C20orf203: variants seen among roughly 807,000 people sequenced by gnomAD.
C20orf203 encodes the protein chromosome 20 open reading frame 203.
C20orf203 carries 16 observed loss-of-function variants against 15.9 expected under a neutral mutation model. That is an observed-to-expected ratio of 1.01 (90% confidence interval 0.68 to 1.53). C20orf203 has a LOEUF of 1.53. Ranked by LOEUF, C20orf203 falls within the 40% of genes most tolerant of loss-of-function variation. C20orf203 has a pLI of 0.00. For missense variants in C20orf203, 263 were observed against 247.5 expected, an observed-to-expected ratio of 1.06 and a Z score of -0.42; for synonymous variants, 98 against 97.2, an observed-to-expected ratio of 1.01 and a Z score of -0.05.
chr20:32,643,352 T>C (rs1600927910), intron 4 of C20orf203, among the ~76,000 whole-genome samples: 1 of 152,138 alleles, frequency 6.6e-6, no homozygotes, highest in African/African-American at 2.4e-5. Flanking sequence ...AATGGGTTAA[T>C]AGAGGTAAAA....
At position 32,632,012 on chromosome 20, in the gene C20orf203, G is replaced by A. The variant is rs774501872; in HGVS notation, c.*3558C>T. 4 of 152,286 alleles carry A rather than the reference G, an allele frequency of 2.6e-5. No individual in the cohort carries two copies. Among genetic ancestry groups the A allele is most frequent in the Admixed American group, 1.3e-4 (2 of 15,280 alleles). The allele number at this position is 152,286 out of a possible 1,614,324, so 9.4% of individuals were successfully genotyped here. Reference sequence around the variant, plus strand: ...CACCTCTGCCACCTCTGCTCCTTGAGGCAGGGCAGGACTTCAGAATTGGCC... The same window carrying A: ...CACCTCTGCCACCTCTGCTCCTTGAAGCAGGGCAGGACTTCAGAATTGGCC... On this transcript the variant is annotated 3_prime_UTR_variant, in exon 6 of 6. Transcript: ENST00000608990.
At chr20:32,654,050 G>A (rs777080576) in intron 1 of C20orf203, among the ~76,000 whole-genome samples, 8 of 149,530 alleles carry the variant, frequency 5.4e-5, no homozygotes, top group Non-Finnish European at 1.2e-4. Flanking sequence ...CCAAGATCAC[G>A]CCACTGCACT....
chr20:32,650,187 C>A lies in C20orf203; in HGVS notation c.*245G>T. ...AGGACCAGAGCCTGCCCCGCATGTC[C>A]GGCCGGGGTTCTACCCAGAGCCAGC... On this transcript the variant is annotated 3_prime_UTR_variant, in exon 4 of 6. Transcript: ENST00000608990. 1 of 511,682 alleles carries A rather than the reference C, an allele frequency of 2.0e-6. No individual in the cohort carries two copies. The highest frequency in any genetic ancestry group is 3.5e-6 in the Non-Finnish European group (1 of 284,272). The allele number at this position is 511,682 out of a possible 1,614,324, so 31.7% of individuals were successfully genotyped here.
intron 1 of C20orf203, among the ~76,000 whole-genome samples, chr20:32,672,739 T>C (rs940004781): frequency 5.3e-5 from 8 of 151,744 alleles, no homozygotes; most frequent in Non-Finnish European, 8.8e-5. Context: ...TCCTCTACCC[T>C]CCCCACTCCC....
At chr20:32,634,351 G>A (rs187593595) in intron 5 of C20orf203, 81 bp from the exon 6 acceptor site, 130 of 397,182 alleles carry the variant, frequency 3.3e-4, no homozygotes, top group African/African-American at 2.4e-3. Context: ...ACAAAGCGGT[G>A]GAAGACAGCG....
chr20:32,667,980 T>C (rs1181060770), intron 1 of C20orf203, among the ~76,000 whole-genome samples: 1 of 152,194 alleles, frequency 6.6e-6, no homozygotes, highest in African/African-American at 2.4e-5. Flanking sequence ...AGAAATCTTC[T>C]AGCCACTCAG....
intron 1 of C20orf203, among the ~76,000 whole-genome samples, chr20:32,671,499 GA>G (rs529068911): frequency 6.6e-6 from 1 of 150,532 alleles, no homozygotes. Context: ...GTAGAAGAAA[GA>G]AAAAAAATAA....
chr20:32,670,279 C>A (rs1368247570), intron 1 of C20orf203, among the ~76,000 whole-genome samples: 5 of 151,722 alleles, frequency 3.3e-5, no homozygotes, highest in Non-Finnish European at 7.4e-5. Flanking sequence ...CTGAGGCGGG[C>A]GGATCACCTG....
In C20orf203 at chr20:32,651,298, A is replaced by G. The variant is rs954520142; in HGVS notation, c.-14-132T>C. ...CAGAAGGTTGAGGCCGTAGTGAGCC[A>G]TGATCGCCCCACTACACTCCAAAGT... On this transcript the variant is annotated intron_variant, in intron 2 of 5. Coordinates refer to ENST00000608990, the MANE Select transcript of C20orf203 (RefSeq NM_182584.4). The G allele has an allele frequency of 3.2e-5, 13 of 404,750 alleles. No individual in the cohort carries two copies. The Admixed American group carries it at 3.4e-4, about 11-fold the overall frequency. The allele number at this position is 404,750 out of a possible 1,614,324, so 25.1% of individuals were successfully genotyped here.
chr20:32,673,030 G>A (rs1351502848), intron 1 of C20orf203, among the ~76,000 whole-genome samples: 1 of 152,132 alleles, frequency 6.6e-6, no homozygotes, highest in Non-Finnish European at 1.5e-5. Flanking sequence ...TGAAATGAGT[G>A]GCCATAAAAG....
chr20:32,643,673 ACG>A (rs1470481135), intron 4 of C20orf203, among the ~76,000 whole-genome samples: 1 of 144,570 alleles, frequency 6.9e-6, no homozygotes, highest in Non-Finnish European at 1.5e-5. Context: ...ACACACACAC[ACG>A]AAAGTTTCTG....
At chr20:32,664,290 G>A (rs183658852) in intron 1 of C20orf203, among the ~76,000 whole-genome samples, 33 of 152,346 alleles carry the variant, frequency 2.2e-4, no homozygotes, top group Middle Eastern at 6.8e-3. Context: ...GCCTCCTGCC[G>A]GGGTCTCCTC....
At chr20:32,669,249 G>A (rs1983105997) in intron 1 of C20orf203, among the ~76,000 whole-genome samples, 3 of 152,196 alleles carry the variant, frequency 2.0e-5, no homozygotes, top group Admixed American at 2.0e-4. Context: ...GCGGACTCTA[G>A]GCCCAGACCC....
chr20:32,643,625 C>CACA (rs1982342367), intron 4 of C20orf203, among the ~76,000 whole-genome samples: 2 of 140,742 alleles, frequency 1.4e-5, no homozygotes, highest in African/African-American at 5.4e-5. Context: ...CTTCCTGGAA[C>CACA]CACACACACA....
intron 1 of C20orf203, 51 bp from the exon 2 acceptor site, chr20:32,652,032 T>C (rs775270038): frequency 3.3e-5 from 5 of 152,048 alleles, no homozygotes; most frequent in Non-Finnish European, 5.9e-5. Context: ...GCAAAGCAAA[T>C]GTGGCTGGAT....
At chr20:32,652,538 T>C (rs952037993) in intron 1 of C20orf203, among the ~76,000 whole-genome samples, 26 of 151,668 alleles carry the variant, frequency 1.7e-4, no homozygotes, top group Non-Finnish European at 3.1e-4. Flanking sequence ...CTCCTCTGGC[T>C]TTTTTGGGAA....
At position 32,650,719 on chromosome 20, in the gene C20orf203, C is replaced by A; in HGVS notation, c.298G>T (p.Gly100Cys). Residue 100 changes from glycine (G) to cysteine (C), a missense_variant, in exon 4 of 6, where the codon GGT becomes TGT. Coordinates refer to ENST00000608990, the MANE Select transcript of C20orf203 (RefSeq NM_182584.4). ...CCAACTTCCCCCCACCCCTCCCCAC[C>A]AACCCAAATCCTTTCCTGATAAGGG... ...PGPYQERIWV[G>C]GEGWGEVGGL... The A allele has an allele frequency of 6.5e-7, 1 of 1,546,434 alleles. No homozygotes were observed. The highest frequency in any genetic ancestry group is 2.4e-5 in the East Asian group (1 of 40,842).
intron 4 of C20orf203, among the ~76,000 whole-genome samples, chr20:32,647,734 G>A (rs1434381396): frequency 1.3e-5 from 2 of 152,080 alleles, no homozygotes; most frequent in African/African-American, 4.8e-5. Flanking sequence ...ACTAATGTGT[G>A]GAAAGCGCCA....
intron 3 of C20orf203, 34 bp from the exon 4 acceptor site, chr20:32,650,915 A>C: frequency 1.4e-6 from 2 of 1,445,026 alleles, no homozygotes; most frequent in Non-Finnish European, 1.8e-6. Context: ...AAGATCATAG[A>C]ATCTTAGTAC....
Sources: allele counts gnomAD v4.1 joint callset (sites outside exome capture counted in the v4.1 genomes callset), GRCh38; gene constraint gnomAD v4.1.1; transcripts MANE v1.5; gene names NCBI Gene and HGNC (gene_info 2026-07-23, HGNC 2026-07-21).